Variants in TMEM178B observed in about 807,000 individuals in gnomAD.
TMEM178B encodes the protein transmembrane protein 178B.
In TMEM178B, 5 loss-of-function variants were observed where a neutral mutation model predicts 31.0. The ratio of observed to expected loss-of-function variants is 0.16; its 90% confidence interval spans 0.08 to 0.34. The LOEUF is 0.34. Ranked by LOEUF, TMEM178B falls within the 10% of genes least tolerant of loss-of-function variation. The pLI is 1.00. For synonymous variants in TMEM178B, 164 were observed against 164.0 expected (o/e 1.00, Z 0.00); for missense variants, 275 against 400.3 (o/e 0.69, Z 2.67).
chr7:141,271,383 G>A (rs901671114), intron 2 of TMEM178B, among the ~76,000 whole-genome samples: 4 of 152,186 alleles, frequency 2.6e-5, no homozygotes, highest in African/African-American at 9.7e-5. Flanking sequence ...CCCTGAGTTG[G>A]TTTCCTTCTG....
At chr7:141,090,911 G>A (rs902391747) in intron 1 of TMEM178B, among the ~76,000 whole-genome samples, 1 of 152,150 alleles carries the variant, frequency 6.6e-6, no homozygotes, top group African/African-American at 2.4e-5. Context: ...TCACAGTCAG[G>A]GTTTTAAGGA....
chr7:141,417,589 G>T (rs1183483644), intron 2 of TMEM178B, among the ~76,000 whole-genome samples: 2 of 152,156 alleles, frequency 1.3e-5, no homozygotes, highest in Non-Finnish European at 2.9e-5. Flanking sequence ...GATTCTAGAG[G>T]AGCTGGGAGT....
chr7:141,410,270 T>A (rs1427317860), intron 2 of TMEM178B, among the ~76,000 whole-genome samples: 1 of 152,236 alleles, frequency 6.6e-6, no homozygotes, highest in Non-Finnish European at 1.5e-5. Flanking sequence ...AGAGGAGCAC[T>A]GCTTTGCTAA....
At chr7:141,102,827 C>T (rs1795080854) in intron 1 of TMEM178B, among the ~76,000 whole-genome samples, 1 of 152,208 alleles carries the variant, frequency 6.6e-6, no homozygotes, top group Non-Finnish European at 1.5e-5. Flanking sequence ...ATCATGGTTC[C>T]TTTGATTTCC....
At chr7:141,274,406 C>A (rs1334430420) in intron 2 of TMEM178B, among the ~76,000 whole-genome samples, 1 of 152,160 alleles carries the variant, frequency 6.6e-6, no homozygotes, top group South Asian at 2.1e-4. Context: ...TTCGTCTATC[C>A]AACAACTCAC....
At position 141,215,777 on chromosome 7, in the gene TMEM178B, CCTTTCTTTCTTTCTTTCTTTCTTT is replaced by C. The variant is rs529722580; in HGVS notation, c.496+3114_496+3137del. Reference sequence around the variant, plus strand: ...TGGTTAAATTTGAATTATATACTTTCCTTTCTTTCTTTCTTTCTTTCTTTCTTTCTTTCTTTCTTTCTTTCTTTC... The same window carrying C: ...TGGTTAAATTTGAATTATATACTTTCCTTTCTTTCTTTCTTTCTTTCTTTC... On this transcript the variant is annotated intron_variant, in intron 2 of 3. Transcript: ENST00000565468. 6.6e-4 allele frequency among the ~76,000 whole-genome samples: 74 copies of C among 112,130 alleles called. 1 individual carries two copies. The highest frequency in any genetic ancestry group is 5.7e-3 in the East Asian group (19 of 3,328). The allele number at this position is 112,130 out of a possible 152,430, so 73.6% of individuals were successfully genotyped here.
rs1289654927 is a variant in TMEM178B, at chr7:141,086,471, G to T, written c.382+11779G>T. On this transcript the variant is annotated intron_variant, in intron 1 of 3. Transcript: ENST00000565468. Reference sequence around the variant, plus strand: ...ATAAACACAACTTTGAGTAAGAAAGGTAGGGTGCAGAATGAAATACAGAAT... The same window carrying T: ...ATAAACACAACTTTGAGTAAGAAAGTTAGGGTGCAGAATGAAATACAGAAT... Among the ~76,000 whole-genome samples, 3 of 152,166 alleles carry T rather than the reference G, an allele frequency of 2.0e-5. No individual in the cohort carries two copies. In the East Asian group the frequency reaches 5.8e-4, roughly 29 times the overall value.
At chr7:141,453,243 G>A (rs887510635) in intron 3 of TMEM178B, among the ~76,000 whole-genome samples, 1 of 152,176 alleles carries the variant, frequency 6.6e-6, no homozygotes. Context: ...GGTGGCAGGG[G>A]CTCCCTGCCT....
chr7:141,334,309 T>C (rs1316811764), intron 2 of TMEM178B, among the ~76,000 whole-genome samples: 1 of 152,216 alleles, frequency 6.6e-6, no homozygotes, highest in Non-Finnish European at 1.5e-5. Flanking sequence ...TATGTGGGCC[T>C]CTGTTATCTC....
rs1040042474 is a variant in TMEM178B at position 141,471,022 on chromosome 7, A to T, written c.*236A>T. 1.3e-5 allele frequency: 2 copies of T among 156,866 alleles called. No individual in the cohort carries two copies. Among genetic ancestry groups the T allele is most frequent in the Non-Finnish European group, 2.8e-5 (2 of 71,876 alleles). 9.7% of individuals were successfully genotyped at this position (156,866 alleles called of 1,614,324 possible). A position where few individuals can be genotyped will look rare whatever the true frequency, so the allele number is the denominator to read the frequency against. ...TGGCTTCATGGTCTCTTGAAGACAG[A>T]GCAAACACCACCACTTGCGACCGCG... is the stretch of plus-strand genomic sequence containing the variant. On this transcript the variant is annotated 3_prime_UTR_variant, in exon 4 of 4. Coordinates refer to ENST00000565468, the MANE Select transcript of TMEM178B (RefSeq NM_001195278.2). The surrounding 1 kb of genome is among the most constrained non-coding windows in gnomAD (Gnocchi z 4.1).
the TMEM178B span, among the ~76,000 whole-genome samples, chr7:141,499,079 G>C: frequency 6.6e-6 from 1 of 152,172 alleles, no homozygotes; most frequent in Non-Finnish European, 1.5e-5. Flanking sequence ...TACTTGCCTT[G>C]TTTCATTTAA....
At chr7:141,241,643 C>T (rs1393975716) in intron 2 of TMEM178B, among the ~76,000 whole-genome samples, 2 of 150,634 alleles carry the variant, frequency 1.3e-5, no homozygotes, top group East Asian at 3.9e-4. Flanking sequence ...GCTACCAAGG[C>T]TCCAGCAAGA....
Position 141,474,046 on chromosome 7 carries a change from C to T in TMEM178B, c.*3260C>T, listed in dbSNP as rs1802309441. Reference sequence around the variant, plus strand: ...TATGAGGGCATTTAGGGTCAATGACCTCACTAAAGTCACCAGCCGCAACCC... The same window carrying T: ...TATGAGGGCATTTAGGGTCAATGACTTCACTAAAGTCACCAGCCGCAACCC... On this transcript the variant is annotated 3_prime_UTR_variant, in exon 4 of 4. Transcript: ENST00000565468. 6.6e-6 allele frequency: 1 copy of T among 152,122 alleles called. No homozygotes were observed. Among genetic ancestry groups the T allele is most frequent in the Non-Finnish European group, 1.5e-5 (1 of 68,038 alleles). The allele number at this position is 152,122 out of a possible 1,614,324, so 9.4% of individuals were successfully genotyped here. A position where few individuals can be genotyped will look rare whatever the true frequency, so the allele number is the denominator to read the frequency against.
At chr7:141,498,626 A>G in the TMEM178B span, among the ~76,000 whole-genome samples, 1 of 152,248 alleles carries the variant, frequency 6.6e-6, no homozygotes, top group Admixed American at 6.5e-5. Flanking sequence ...TGTGTTTGAT[A>G]GTTAAAGATG....
intron 3 of TMEM178B, among the ~76,000 whole-genome samples, chr7:141,460,355 C>T (rs998818020): frequency 4.6e-5 from 7 of 152,342 alleles, no homozygotes; most frequent in African/African-American, 9.6e-5. Flanking sequence ...TCCCAAGCTC[C>T]TCCTCTTATA....
At chr7:141,162,321 C>A (rs563273484) in intron 1 of TMEM178B, among the ~76,000 whole-genome samples, 6 of 152,342 alleles carry the variant, frequency 3.9e-5, no homozygotes, top group Admixed American at 2.6e-4. Flanking sequence ...GGCTCTGTGG[C>A]CTGACCGTCC....
At chr7:141,264,784 T>C (rs780817215) in intron 2 of TMEM178B, among the ~76,000 whole-genome samples, 3 of 152,152 alleles carry the variant, frequency 2.0e-5, no homozygotes, top group African/African-American at 4.8e-5. Flanking sequence ...CAATGGAGGT[T>C]TTGTTTTTGT....
intron 1 of TMEM178B, among the ~76,000 whole-genome samples, chr7:141,147,220 C>T (rs1367461906): frequency 6.6e-6 from 1 of 151,912 alleles, no homozygotes; most frequent in East Asian, 1.9e-4. Flanking sequence ...TCCCTCCGTC[C>T]CTCCTTCCCT....
intron 1 of TMEM178B, among the ~76,000 whole-genome samples, chr7:141,110,114 C>G (rs1447944154): frequency 6.6e-6 from 1 of 152,120 alleles, no homozygotes; most frequent in African/African-American, 2.4e-5. Flanking sequence ...ATTTTAGCAG[C>G]TTATTTCTTT....
Sources: gnomAD v4.1 joint callset for allele counts (sites outside exome capture counted in the v4.1 genomes callset) on GRCh38, gnomAD v4.1.1 for gene constraint, Gnocchi (gnomAD v3.1) non-coding constraint, MANE v1.5 for transcripts, NCBI Gene and HGNC (gene_info 2026-07-23, HGNC 2026-07-21) for gene names.